The following TRAPPC9 variants were observed in gnomAD, a reference collection of about 807,000 sequenced individuals.
TRAPPC9 encodes the protein trafficking protein particle complex subunit 9.
Under a neutral mutation model 124.0 loss-of-function variants are expected in TRAPPC9, and 83 were observed. The observed-to-expected ratio is 0.67, with a 90% CI of 0.56 to 0.80. TRAPPC9 has a LOEUF of 0.80. TRAPPC9 is among the 30% of genes least tolerant of loss of function. The probability of loss-of-function intolerance (pLI) is 0.00; values close to 1 mark genes in which losing one functional copy is unlikely to be tolerated. For missense variants in TRAPPC9, 1,302 were observed against 1,508.3 expected, an observed-to-expected ratio of 0.86 and a Z score of 2.27; for synonymous variants, 638 against 617.5, an observed-to-expected ratio of 1.03 and a Z score of -0.49.
chr8:140,380,552 G>T (rs1368028588), intron 7 of TRAPPC9, among the ~76,000 whole-genome samples: 1 of 148,592 alleles, frequency 6.7e-6, no homozygotes, highest in Non-Finnish European at 1.5e-5. Context: ...CTACTCAGGA[G>T]ACTGAGGCAG....
chr8:140,228,695 G>T (rs2063510003), intron 16 of TRAPPC9, among the ~76,000 whole-genome samples: 1 of 152,204 alleles, frequency 6.6e-6, no homozygotes, highest in African/African-American at 2.4e-5. Context: ...CACGTGAAAT[G>T]TTCTGGGTGG....
chr8:140,342,987 T>C (rs2132068929), intron 9 of TRAPPC9, among the ~76,000 whole-genome samples: 1 of 152,306 alleles, frequency 6.6e-6, no homozygotes, highest in Middle Eastern at 3.4e-3. Flanking sequence ...AGTCTGTTAA[T>C]CTATACAATG....
At chr8:140,085,900 C>T (rs1380102819) in intron 17 of TRAPPC9, among the ~76,000 whole-genome samples, 3 of 152,138 alleles carry the variant, frequency 2.0e-5, no homozygotes, top group Admixed American at 2.0e-4. Flanking sequence ...CAGAACTCTC[C>T]CCTAAGCCTA....
At chr8:139,893,133 G>C (rs756300872) in intron 20 of TRAPPC9, among the ~76,000 whole-genome samples, 1 of 152,220 alleles carries the variant, frequency 6.6e-6, no homozygotes, top group Non-Finnish European at 1.5e-5. Context: ...GCCCTGGTGA[G>C]GGGCTCCTTC....
chr8:140,214,667 T>C (rs190854996), intron 17 of TRAPPC9, among the ~76,000 whole-genome samples: 1 of 152,342 alleles, frequency 6.6e-6, no homozygotes, highest in Admixed American at 6.5e-5. Context: ...CTGGACTGTC[T>C]TGCTGGCTTG....
intron 13 of TRAPPC9, among the ~76,000 whole-genome samples, chr8:140,286,586 C>T (rs1300251723): frequency 6.6e-6 from 1 of 152,080 alleles, no homozygotes; most frequent in African/African-American, 2.4e-5. Context: ...GGTGCTGTGA[C>T]AGACAGCGAG....
chr8:140,146,704 C>G (rs2061468130), intron 17 of TRAPPC9, among the ~76,000 whole-genome samples: 1 of 152,126 alleles, frequency 6.6e-6, no homozygotes, highest in South Asian at 2.1e-4. Flanking sequence ...TTGCCTGAGT[C>G]TCTCATCTTC....
intron 17 of TRAPPC9, among the ~76,000 whole-genome samples, chr8:140,213,370 T>C (rs7387915): frequency 0.39 from 58,966 of 151,982 alleles, 14,393 homozygotes; most frequent in Non-Finnish European, 0.55. Flanking sequence ...TTAATATCTA[T>C]AAAATCTGTG....
At chr8:139,777,200 G>T (rs899165021) in intron 21 of TRAPPC9, among the ~76,000 whole-genome samples, 2 of 152,230 alleles carry the variant, frequency 1.3e-5, no homozygotes, top group Non-Finnish European at 2.9e-5. Flanking sequence ...CATTTAGCAG[G>T]AAGTACTTCT....
At chr8:139,919,580 T>G (rs1421178980) in intron 19 of TRAPPC9, among the ~76,000 whole-genome samples, 1 of 152,234 alleles carries the variant, frequency 6.6e-6, no homozygotes, top group Non-Finnish European at 1.5e-5. Flanking sequence ...AGGTAGCTTT[T>G]AGGAAGACAT....
chr8:140,045,631 G>GGAA (rs770536703), intron 17 of TRAPPC9, among the ~76,000 whole-genome samples: 2 of 33,252 alleles, frequency 6.0e-5, no homozygotes, highest in African/African-American at 1.7e-4. Context: ...CATCTCGGCA[G>GGAA]AAAAAAAAAA....
chr8:139,973,667 C>T (rs1049542417), intron 19 of TRAPPC9, among the ~76,000 whole-genome samples: 1 of 152,196 alleles, frequency 6.6e-6, no homozygotes, highest in African/African-American at 2.4e-5. Context: ...GCGCTGACCC[C>T]GGAAGGCACG....
At chr8:139,938,899 C>A (rs1421779042) in intron 19 of TRAPPC9, among the ~76,000 whole-genome samples, 2 of 152,210 alleles carry the variant, frequency 1.3e-5, no homozygotes, top group Non-Finnish European at 2.9e-5. Flanking sequence ...CCCGCCTCGG[C>A]CTCCCAAAGT....
intron 5 of TRAPPC9, among the ~76,000 whole-genome samples, chr8:140,410,107 C>T (rs1156724935): frequency 1.5e-5 from 2 of 133,494 alleles, no homozygotes; most frequent in African/African-American, 5.7e-5. Flanking sequence ...TGCCACTGCA[C>T]TCCAGCCTGG....
At chr8:140,272,367 TGAG>T (rs1563904351) in intron 15 of TRAPPC9, among the ~76,000 whole-genome samples, 90 of 146,984 alleles carry the variant, frequency 6.1e-4, no homozygotes, top group African/African-American at 2.1e-3. Flanking sequence ...GTGGTGGTAG[TGAG>T]GGTGGTGGTG....
chr8:139,806,241 T>C (rs2130717194), intron 21 of TRAPPC9: 1 of 152,344 alleles, frequency 6.6e-6, no homozygotes, highest in East Asian at 1.9e-4. Flanking sequence ...TTTGCCAGTT[T>C]CTTTGTGTGG....
intron 17 of TRAPPC9, among the ~76,000 whole-genome samples, chr8:140,165,587 G>A (rs1017230102): frequency 1.2e-4 from 16 of 138,646 alleles, no homozygotes; most frequent in African/African-American, 3.8e-4. Flanking sequence ...GGAAGGGAAG[G>A]GGGAAGGAGG....
intron 5 of TRAPPC9, among the ~76,000 whole-genome samples, chr8:140,422,093 T>A (rs2070236069): frequency 6.8e-6 from 1 of 147,726 alleles, no homozygotes; most frequent in African/African-American, 2.5e-5. Context: ...AGAGGATAAA[T>A]CCTGGGTGCA....
rs2071453090 is a variant in TRAPPC9, at chr8:140,451,284, G to T, written c.90C>A (p.Asn30Lys). Residue 30 changes from asparagine (N) to lysine (K), a missense_variant, in exon 2 of 23, where the codon AAC becomes AAA. By Grantham distance (94) the Asn-to-Lys change is moderately conservative. Around this residue, in one of 3 missense-constraint regions of TRAPPC9, gnomAD observed 657 missense variants for 811.2 expected, o/e 0.81. Transcript: ENST00000438773. ...VQPVGIVSEE[N>K]FFRIYKRICS... ...AAATCCTCTTATAGATCCTGAAGAA[G>T]TTCTCCTCGGAGACGATGCCCACAG... The T allele has an allele frequency of 1.1e-5, 17 of 1,611,384 alleles. No individual in the cohort carries two copies. The highest frequency in any genetic ancestry group is 1.4e-5 in the Non-Finnish European group (17 of 1,180,034).
Sources: gnomAD v4.1 joint callset for allele counts (sites outside exome capture counted in the v4.1 genomes callset) on GRCh38, gnomAD v4.1.1 for gene constraint, gnomAD v4.1.1 regional missense constraint, MANE v1.5 for transcripts, NCBI Gene and HGNC (gene_info 2026-07-23, HGNC 2026-07-21) for gene names.